The following SLC16A1 variants were observed in gnomAD, a reference collection of about 807,000 sequenced individuals.
The protein encoded by SLC16A1 is solute carrier family 16 member 1.
In SLC16A1, 11 loss-of-function variants were observed where a neutral mutation model predicts 32.2. The ratio of observed to expected loss-of-function variants is 0.34; its 90% CI spans 0.21 to 0.56. The LOEUF (loss-of-function observed/expected upper bound fraction) is 0.56. Among genes scored for constraint, SLC16A1 ranks in the 20% least tolerant of loss-of-function variants. The pLI is 0.87. For synonymous variants in SLC16A1, 231 were observed against 226.8 expected (o/e 1.02, Z -0.17); for missense variants, 435 against 615.0 (o/e 0.71, Z 3.10).
chr1:112,921,352 C>A (rs545068266), intron 3 of SLC16A1, among the ~76,000 whole-genome samples: 2 of 152,214 alleles, frequency 1.3e-5, no homozygotes, highest in East Asian at 3.9e-4. Context: ...AACAAACACA[C>A]AGCAGTTCCC....
chr1:112,947,019 C>A (rs113206463), intron 1 of SLC16A1, among the ~76,000 whole-genome samples: 1,702 of 152,262 alleles, frequency 0.011, 19 homozygotes, highest in Non-Finnish European at 0.019. Context: ...TAATTTATTT[C>A]TTGGTTGGCC....
chr1:112,931,716 C>T (rs1649137175), intron 1 of SLC16A1, among the ~76,000 whole-genome samples: 3 of 147,556 alleles, frequency 2.0e-5, no homozygotes, highest in South Asian at 4.4e-4. Flanking sequence ...TCACTTAGTA[C>T]TAATGAATAA....
chr1:112,951,957 T>C (rs1176525088), intron 1 of SLC16A1, among the ~76,000 whole-genome samples: 4 of 152,044 alleles, frequency 2.6e-5, no homozygotes, highest in Non-Finnish European at 5.9e-5. Flanking sequence ...TGCAAACCAC[T>C]AGTGAAATAA....
intron 1 of SLC16A1, chr1:112,955,325 TTC>T (rs1650041094): frequency 6.6e-6 from 1 of 152,080 alleles, no homozygotes; most frequent in South Asian, 2.1e-4. Flanking sequence ...TCCTCCAGAT[TTC>T]TCTCAACAGG....
intron 1 of SLC16A1, among the ~76,000 whole-genome samples, chr1:112,952,587 A>T (rs1303183308): frequency 6.6e-6 from 1 of 152,220 alleles, no homozygotes; most frequent in Non-Finnish European, 1.5e-5. Context: ...TATCTTTCAG[A>T]TATCTATATT....
intron 2 of SLC16A1, among the ~76,000 whole-genome samples, chr1:112,926,597 G>A (rs972832022): frequency 6.6e-6 from 1 of 152,134 alleles, no homozygotes; most frequent in Non-Finnish European, 1.5e-5. Flanking sequence ...TACCAGGCTA[G>A]GCATGGTGGC....
chr1:112,944,994 CTTTTTT>C (rs151186476), intron 1 of SLC16A1, among the ~76,000 whole-genome samples: 12 of 123,304 alleles, frequency 9.7e-5, no homozygotes, highest in African/African-American at 3.2e-4. Context: ...CACCCAGCCT[CTTTTTT>C]TTTTTTTTTT....
intron 1 of SLC16A1, among the ~76,000 whole-genome samples, chr1:112,940,162 C>G (rs115749459): frequency 6.6e-6 from 1 of 150,794 alleles, no homozygotes; most frequent in Non-Finnish European, 1.5e-5. Flanking sequence ...CTTAGTCTCA[C>G]GAGTAGCTGA....
chr1:112,952,365 C>T lies in SLC16A1; in HGVS notation c.-45+3670G>A, dbSNP rs536669644. Among the ~76,000 whole-genome samples, 14 of 152,116 alleles carry T rather than the reference C, an allele frequency of 9.2e-5. No individual in the cohort carries two copies. In the East Asian group the frequency reaches 2.3e-3, roughly 25 times the overall value. On this transcript the variant is annotated intron_variant, in intron 1 of 4. Transcript: ENST00000369626. ...CCAACCTTACAAGGAAAATACATTA[C>T]GAGGAAAATAATTAAGATGAGGGAA...
At chr1:112,933,004 T>C (rs996432159) in intron 1 of SLC16A1, among the ~76,000 whole-genome samples, 21 of 152,084 alleles carry the variant, frequency 1.4e-4, no homozygotes, top group Admixed American at 5.2e-4. Flanking sequence ...CATTTTTAAA[T>C]GCTATTGTAA....
intron 1 of SLC16A1, among the ~76,000 whole-genome samples, chr1:112,944,945 G>T (rs1003348655): frequency 6.6e-6 from 1 of 150,856 alleles, no homozygotes; most frequent in Non-Finnish European, 1.5e-5. Flanking sequence ...TGCCCGTCTC[G>T]GCCTCCCAAA....
intron 2 of SLC16A1, among the ~76,000 whole-genome samples, chr1:112,927,315 A>AAC (rs1191757439): frequency 2.0e-5 from 3 of 152,116 alleles, no homozygotes; most frequent in African/African-American, 7.2e-5. Context: ...AAAACAAATA[A>AAC]ACAAACCAAA....
chr1:112,914,174 G>A lies in SLC16A1; in HGVS notation c.1229-9C>T. On this transcript the variant is annotated splice_polypyrimidine_tract_variant and intron_variant, in intron 4 of 4. Transcript: ENST00000369626. Reference sequence around the variant, plus strand: ...CATGTCATTGAGCCGACCTAAATATGTAAAACAACACAAACAGTTGTTTCT... The same window carrying A: ...CATGTCATTGAGCCGACCTAAATATATAAAACAACACAAACAGTTGTTTCT... 1 of 1,614,042 alleles carries A rather than the reference G, an allele frequency of 6.2e-7. No individual in the cohort carries two copies. Among genetic ancestry groups the A allele is most frequent in the Non-Finnish European group, 8.5e-7 (1 of 1,179,952 alleles).
intron 1 of SLC16A1, among the ~76,000 whole-genome samples, chr1:112,943,660 C>T (rs1268911652): frequency 1.3e-5 from 2 of 151,580 alleles, no homozygotes; most frequent in African/African-American, 2.4e-5. Flanking sequence ...TGGTGGTGGG[C>T]GCCTGTAATC....
At chr1:112,937,571 T>C (rs1011353195) in intron 1 of SLC16A1, among the ~76,000 whole-genome samples, 1 of 152,174 alleles carries the variant, frequency 6.6e-6, no homozygotes, top group East Asian at 1.9e-4. Flanking sequence ...CTAAGCATAT[T>C]ATTTCCTTTT....
chr1:112,941,382 A>G (rs568503527), intron 1 of SLC16A1, among the ~76,000 whole-genome samples: 1 of 151,360 alleles, frequency 6.6e-6, no homozygotes, highest in South Asian at 2.1e-4. Flanking sequence ...CCTGGATTCA[A>G]GCAATTCTCC....
intron 2 of SLC16A1, chr1:112,922,368 A>G (rs1648766329): frequency 1.8e-6 from 1 of 550,590 alleles, no homozygotes; most frequent in East Asian, 3.2e-5. Context: ...ACTAAAATAC[A>G]AAAGACCTGA....
chr1:112,928,057 C>T (rs1649000778), intron 2 of SLC16A1, among the ~76,000 whole-genome samples: 1 of 152,040 alleles, frequency 6.6e-6, no homozygotes, highest in African/African-American at 2.4e-5. Context: ...AAAAAAAACA[C>T]TACAATTAAG....
At chr1:112,933,783 C>T (rs977597177) in intron 1 of SLC16A1, among the ~76,000 whole-genome samples, 4 of 152,130 alleles carry the variant, frequency 2.6e-5, no homozygotes, top group Non-Finnish European at 5.9e-5. Flanking sequence ...TCTCATATTG[C>T]TGATGTTACA....
Sources: allele counts gnomAD v4.1 joint callset (sites outside exome capture counted in the v4.1 genomes callset), GRCh38; gene constraint gnomAD v4.1.1; transcripts MANE v1.5; gene names NCBI Gene and HGNC (gene_info 2026-07-23, HGNC 2026-07-21).